Variants in MUC4 observed in about 807,000 individuals in gnomAD.
The protein encoded by MUC4 is mucin 4, cell surface associated.
MUC4 carries 202 observed loss-of-function variants against 257.9 expected under a neutral mutation model. That is an observed-to-expected ratio of 0.78 (90% confidence interval 0.70 to 0.88). The LOEUF is 0.88. Among genes scored for constraint, MUC4 ranks in the 40% least tolerant of loss-of-function variants. The pLI, the probability that MUC4 is intolerant of heterozygous loss-of-function variation, is 0.00. For missense variants in MUC4, 5,976 were observed against 6,513.7 expected (o/e 0.92, Z 2.84); for synonymous variants, 2,351 against 2,757.1 (o/e 0.85, Z 4.62).
Position 195,753,993 on chromosome 3 carries a change from GC to G in MUC4, c.15328+219del, listed in dbSNP as rs769494687. The G allele has an allele frequency of 1.4e-3, 787 of 574,746 alleles. 2 individuals are homozygous for G. The highest frequency in any genetic ancestry group is 5.1e-4 in the Non-Finnish European group (174 of 344,178). 35.6% of individuals were successfully genotyped at this position (574,746 alleles called of 1,614,324 possible). A position where few individuals can be genotyped will look rare whatever the true frequency, so the allele number is the denominator to read the frequency against. ...TGCCTGTACAACCTCTTCTCCTTCA[GC>G]CCCACACCATCCACCACCCCCTTTC... On this transcript the variant is annotated intron_variant, in intron 19 of 24. Coordinates refer to ENST00000463781, the MANE Select transcript of MUC4 (RefSeq NM_018406.7).
At chr3:195,804,397 C>T (rs528583189) in intron 1 of MUC4, among the ~76,000 whole-genome samples, 43 of 152,256 alleles carry the variant, frequency 2.8e-4, no homozygotes, top group Non-Finnish European at 5.3e-4. Context: ...GCTGTTGGCT[C>T]GGGAGAAGGA....
In MUC4 at chr3:195,755,309, C is replaced by G. The variant is rs1011153902; in HGVS notation, c.15169-937G>C. On this transcript the variant is annotated intron_variant, in intron 18 of 24. Coordinates refer to ENST00000463781, the MANE Select transcript of MUC4 (RefSeq NM_018406.7). This position sits in a 1 kb window ranked among gnomAD's most constrained non-coding sequence, Gnocchi z 5.0. Reference sequence around the variant, plus strand: ...CTCCCAAGTTAAAGCAATTCTTGTGCCTCAGCCTCCCAAATACTTGAGATT... The same window carrying G: ...CTCCCAAGTTAAAGCAATTCTTGTGGCTCAGCCTCCCAAATACTTGAGATT... Among the ~76,000 whole-genome samples, 1 of 152,000 alleles carries G rather than the reference C, an allele frequency of 6.6e-6. No individual in the cohort carries two copies. Among genetic ancestry groups the G allele is most frequent in the Admixed American group, 6.6e-5 (1 of 15,252 alleles).
intron 4 of MUC4, among the ~76,000 whole-genome samples, chr3:195,772,167 C>A (rs1210545217): frequency 6.6e-6 from 1 of 150,992 alleles, no homozygotes; most frequent in Non-Finnish European, 1.5e-5. Context: ...GGGAGTGGAA[C>A]CCTCTCTCCA....
In MUC4 at chr3:195,788,485, G is replaced by C. The variant is rs1302311931; in HGVS notation, c.3095C>G (p.Ser1032Ter). The C allele has an allele frequency of 3.9e-6, 6 of 1,548,928 alleles. No homozygotes were observed. The highest frequency in any genetic ancestry group is 1.2e-5 in the South Asian group (1 of 83,902). The change falls in exon 2 of 25, where the codon TCA becomes TGA. Residue 1032 changes from serine (S) to a stop codon, truncating the protein, a stop_gained. Transcript: ENST00000463781. LOFTEE classifies it high-confidence loss of function. The part of the protein sequence containing the change: ...TTPLPVTDTS[S>*]ESTGHVTPLP... ...AGGGGTGACGTGACCTGTGGATTCT[G>C]AGGAAGTGTCGGTGACAGGAAGAGG...
In MUC4 at chr3:195,757,407, C is replaced by G; in HGVS notation, c.14987-79G>C. On this transcript the variant is annotated intron_variant, in intron 17 of 24. Transcript: ENST00000463781. This position sits in a 1 kb window ranked among gnomAD's most constrained non-coding sequence, Gnocchi z 4.8. ...GTCTGATTGCTGATACGGGGCTTCCCCCACCCCTCTCAGGCCACCCTCCCC... is the reference window on the plus strand; with the variant it reads ...GTCTGATTGCTGATACGGGGCTTCCGCCACCCCTCTCAGGCCACCCTCCCC... 2.9e-6 allele frequency: 4 copies of G among 1,378,350 alleles called. No homozygotes were observed. Among genetic ancestry groups the G allele is most frequent in the Non-Finnish European group, 4.0e-6 (4 of 1,008,096 alleles). The allele number at this position is 1,378,350 out of a possible 1,614,324, so 85.4% of individuals were successfully genotyped here.
intron 4 of MUC4, 70 bp from the exon 5 acceptor site, chr3:195,771,886 G>A: frequency 6.5e-7 from 1 of 1,545,552 alleles, no homozygotes; most frequent in Non-Finnish European, 8.9e-7. Flanking sequence ...CCTTGGTCCA[G>A]CTCCTCAAAA....
chr3:195,781,603 G>C lies in MUC4; in HGVS notation c.9977C>G (p.Ala3326Gly), dbSNP rs766335915. The C allele has an allele frequency of 9.0e-5, 60 of 667,160 alleles. No individual in the cohort carries two copies. The highest frequency in any genetic ancestry group is 1.1e-4 in the East Asian group (1 of 8,852). The allele number at this position is 667,160 out of a possible 1,614,324, so 41.3% of individuals were successfully genotyped here. ...TDASSASTGHATPLHVTSPSS... is the reference protein window; with the variant it reads ...TDASSASTGHGTPLHVTSPSS... ...AGGGCTGGTGACATGAAGAGGGGTG[G>C]CGTGACCTGTGGATGCTGAGGAAGC... The change falls in exon 2 of 25, where the codon GCC (alanine) becomes GGC (glycine). Residue 3326 changes from alanine (A) to glycine (G), a missense_variant. Physicochemically the swap from Ala to Gly is moderately conservative, Grantham distance 60. Transcript: ENST00000463781.
At position 195,786,892 on chromosome 3, in the gene MUC4, G is replaced by C. The variant is rs766805199; in HGVS notation, c.4688C>G (p.Thr1563Arg). ...GACAGGAAGAGGGGTGGTGTGACCT[G>C]TGGATACTGAGGAAGCGTCGGTGAC... is the stretch of plus-strand genomic sequence containing the variant. ...LPVTDASSVS[T>R]GHTTPLPVTS... Residue 1563 changes from threonine to arginine, a missense_variant, in exon 2 of 25, where the codon ACA (threonine) becomes AGA (arginine). By Grantham distance (71) the Thr-to-Arg change is moderately conservative (BLOSUM62 -1). Around this residue, in one of 44 missense-constraint regions of MUC4, gnomAD observed 63 missense variants for 68.8 expected, o/e 0.92. Transcript: ENST00000463781. 79 of 1,519,696 alleles carry C rather than the reference G, an allele frequency of 5.2e-5. 1 individual carries two copies. The highest frequency in any genetic ancestry group is 6.5e-5 in the Non-Finnish European group (73 of 1,127,808). 94.1% of individuals were successfully genotyped at this position (1,519,696 alleles called of 1,614,324 possible).
intron 3 of MUC4, 21 bp from the exon 4 acceptor site, chr3:195,774,326 G>C: frequency 6.7e-7 from 1 of 1,501,284 alleles, no homozygotes; most frequent in Middle Eastern, 1.9e-4. Context: ...ACAGAGAAGA[G>C]CAGGAAGTCC....
rs71291868 is a variant in MUC4, at chr3:195,783,838, C to A, written c.7742G>T (p.Ser2581Ile). Reference protein sequence around the residue: ...TGHATPLPVTSTSSASTGDTT... With the variant: ...TGHATPLPVTITSSASTGDTT... ...GTCACCTGTGGATGCTGAGGAAGTGCTGGTGACAGGAAGAGGGGTGGCGTG... is the reference window on the plus strand; with the variant it reads ...GTCACCTGTGGATGCTGAGGAAGTGATGGTGACAGGAAGAGGGGTGGCGTG... Residue 2581 changes from serine to isoleucine, a missense_variant, in exon 2 of 25, where the codon AGC becomes ATC. By Grantham distance (142) the Ser-to-Ile change is moderately radical (BLOSUM62 -2). Coordinates refer to ENST00000463781, the MANE Select transcript of MUC4 (RefSeq NM_018406.7). 8.7e-5 allele frequency: 104 copies of A among 1,200,308 alleles called. No homozygotes were observed. Among genetic ancestry groups the A allele is most frequent in the Non-Finnish European group, 1.1e-4 (99 of 912,138 alleles). 74.4% of individuals were successfully genotyped at this position (1,200,308 alleles called of 1,614,324 possible). A position where few individuals can be genotyped will look rare whatever the true frequency, so the allele number is the denominator to read the frequency against.
rs1266391701 is a variant in MUC4, at chr3:195,791,035, G to A, written c.545C>T (p.Thr182Ile). The change falls in exon 2 of 25, where the codon ACT becomes ATT. Residue 182 changes from threonine to isoleucine, a missense_variant. Thr to Ile is a moderately conservative substitution (Grantham distance 89, BLOSUM62 -1). Coordinates refer to ENST00000463781, the MANE Select transcript of MUC4 (RefSeq NM_018406.7). ...TAGQEGQSRT[T>I]SWRTSIQDTS... ...GTCTTGGATAGAGGTCCTCCAGGAA[G>A]TTGTTCGTGATTGTCCTTCCTGTCC... 1.2e-6 allele frequency: 2 copies of A among 1,613,972 alleles called. No individual in the cohort carries two copies.
At position 195,784,157 on chromosome 3, in the gene MUC4, TGG is replaced by T. The variant is rs1730003340; in HGVS notation, c.7421_7422del (p.Ser2474TyrfsTer19). ...PLPGTDTSSVSTGHTTPLLVT... is the reference protein window; with the variant it reads ...PLPGTDTSSVXTGHTTPLLVT... ...ACAAGAAGAGGGGTGGTGTGACCTG[TGG>T]ATACTGAGGAAGTGTCGGTGCCAGG... is the stretch of plus-strand genomic sequence containing the variant. On this transcript the variant is annotated frameshift_variant, in exon 2 of 25. Transcript: ENST00000463781. LOFTEE classifies it high-confidence loss of function. The T allele has an allele frequency of 6.6e-7, 1 of 1,511,738 alleles. No individual in the cohort carries two copies. 93.6% of individuals were successfully genotyped at this position (1,511,738 alleles called of 1,614,324 possible).
In MUC4 at chr3:195,753,215, A is replaced by G; in HGVS notation, c.15344T>C (p.Phe5115Ser). 1 of 1,613,938 alleles carries G rather than the reference A, an allele frequency of 6.2e-7. No individual in the cohort carries two copies. Among genetic ancestry groups the G allele is most frequent in the South Asian group, 1.1e-5 (1 of 91,036 alleles). Residue 5115 changes from phenylalanine to serine, a missense_variant, in exon 20 of 25, where the codon TTC (phenylalanine) becomes TCC (serine). Physicochemically the swap from Phe to Ser is radical, Grantham distance 155. Transcript: ENST00000463781. ...AGGGCAGGACTGGTTCTGACACAGGAAAGAGCTCCCCAGAGCTGCAGAGTG... is the reference window on the plus strand; with the variant it reads ...AGGGCAGGACTGGTTCTGACACAGGGAAGAGCTCCCCAGAGCTGCAGAGTG... ...GRHCAALGSS[F>S]LCQNQSCPVN...
chr3:195,782,267 G>A lies in MUC4; in HGVS notation c.9313C>T (p.Leu3105Phe), dbSNP rs1728525174. The A allele has an allele frequency of 6.5e-7, 1 of 1,535,942 alleles. No individual in the cohort carries two copies. The highest frequency in any genetic ancestry group is 1.4e-5 in the African/African-American group (1 of 70,556). ...SSVSTGDTTP[L>F]PVTSPSSAST... is the part of the protein sequence containing the mutation. ...GCTGAGGAAGGGCTAGTGACAGGAAGAGGCGTGGTGTCACCTGTGGATACT... is the reference window on the plus strand; with the variant it reads ...GCTGAGGAAGGGCTAGTGACAGGAAAAGGCGTGGTGTCACCTGTGGATACT... Residue 3105 changes from leucine (L) to phenylalanine (F), a missense_variant, in exon 2 of 25, where the codon CTT (leucine) becomes TTT (phenylalanine). Coordinates refer to ENST00000463781, the MANE Select transcript of MUC4 (RefSeq NM_018406.7).
chr3:195,788,094 G>T lies in MUC4; in HGVS notation c.3486C>A (p.Ser1162=). The T allele has an allele frequency of 6.7e-7, 1 of 1,494,378 alleles. No homozygotes were observed. Among genetic ancestry groups the T allele is most frequent in the Non-Finnish European group, 8.9e-7 (1 of 1,117,452 alleles). 92.6% of individuals were successfully genotyped at this position (1,494,378 alleles called of 1,614,324 possible). A position where few individuals can be genotyped will look rare whatever the true frequency, so the allele number is the denominator to read the frequency against. Reference sequence around the variant, plus strand: ...CAGGAAGAGGGGTGGCCTGACCTGTGGATGCTGAGGAAGCATCAGTGACAT... The same window carrying T: ...CAGGAAGAGGGGTGGCCTGACCTGTTGATGCTGAGGAAGCATCAGTGACAT... ...PLHVTDASSA[S]TGQATPLPVT... Residue 1162 remains serine (S), a synonymous_variant, in exon 2 of 25, where the codon TCC becomes TCA. Transcript: ENST00000463781.
At position 195,790,657 on chromosome 3, in the gene MUC4, G is replaced by T. The variant is rs546579206; in HGVS notation, c.923C>A (p.Ala308Glu). ...CTGAGTAGAAGTCCTTGAGAAAGTT[G>T]CTGGTGATTGTCCTTCTGGATCAAA... ...VTFDPEGQSP[A>E]TFSRTSTQDT... Residue 308 changes from alanine to glutamate, a missense_variant, in exon 2 of 25, where the codon GCA becomes GAA. Physicochemically the swap from Ala to Glu is moderately radical, Grantham distance 107 (BLOSUM62 -1). This residue lies in a region of MUC4 where 1,583 missense variants were observed against 1,257.4 expected (regional missense o/e 1.26). Coordinates refer to ENST00000463781, the MANE Select transcript of MUC4 (RefSeq NM_018406.7). The T allele has an allele frequency of 6.2e-7, 1 of 1,613,880 alleles. No individual in the cohort carries two copies. The highest frequency in any genetic ancestry group is 8.5e-7 in the Non-Finnish European group (1 of 1,179,890).
intron 1 of MUC4, among the ~76,000 whole-genome samples, chr3:195,808,951 G>A (rs968903515): frequency 2.0e-5 from 3 of 152,158 alleles, no homozygotes; most frequent in Non-Finnish European, 2.9e-5. Flanking sequence ...CGCTGTGGCC[G>A]GCGTCCCCTC....
Position 195,778,288 on chromosome 3 carries a change from C to A in MUC4, c.12943+15G>T. ...CACCCCTCAAAAGGCACAGGCCTCA[C>A]CTGTATGGCCTCACCTCTCTCAGGC... On this transcript the variant is annotated intron_variant, in intron 3 of 24. Coordinates refer to ENST00000463781, the MANE Select transcript of MUC4 (RefSeq NM_018406.7). 6.2e-7 allele frequency: 1 copy of A among 1,602,038 alleles called. No individual in the cohort carries two copies. Among genetic ancestry groups the A allele is most frequent in the East Asian group, 2.2e-5 (1 of 44,454 alleles).
chr3:195,793,237 C>T (rs909950042), intron 1 of MUC4, among the ~76,000 whole-genome samples: 1 of 152,142 alleles, frequency 6.6e-6, no homozygotes, highest in Non-Finnish European at 1.5e-5. Context: ...GTAGCCCCAC[C>T]TGCAATCCCA....
Sources: allele counts gnomAD v4.1 joint callset (sites outside exome capture counted in the v4.1 genomes callset), GRCh38; gene constraint gnomAD v4.1.1; regional missense constraint gnomAD v4.1.1; non-coding constraint Gnocchi (gnomAD v3.1); transcripts MANE v1.5; gene names NCBI Gene and HGNC (gene_info 2026-07-23, HGNC 2026-07-21).